UNC13C: variants seen among roughly 807,000 people sequenced by gnomAD.
The protein encoded by UNC13C is protein unc-13 homolog C.
Under a neutral mutation model 245.4 loss-of-function variants are expected in UNC13C, and 174 were observed. The ratio of observed to expected loss-of-function variants is 0.71; its 90% CI spans 0.63 to 0.80. The LOEUF (loss-of-function observed/expected upper bound fraction) is 0.80. UNC13C is among the 30% of genes least tolerant of loss of function. The pLI is 0.00. For missense variants in UNC13C, 2,829 were observed against 2,602.9 expected, an observed-to-expected ratio of 1.09 and a Z score of -1.89; for synonymous variants, 992 against 895.1, an observed-to-expected ratio of 1.11 and a Z score of -1.93.
At chr15:54,382,568 C>T (rs778782582) in intron 17 of UNC13C, among the ~76,000 whole-genome samples, 1 of 151,534 alleles carries the variant, frequency 6.6e-6, no homozygotes, top group East Asian at 1.9e-4. Flanking sequence ...CAGAGTGAGA[C>T]CCTATCCCAA....
Position 54,479,698 on chromosome 15 carries a change from G to A in UNC13C, c.4934-14910G>A, listed in dbSNP as rs138216421. Among the ~76,000 whole-genome samples the A allele has an allele frequency of 3.8e-3, 583 of 151,630 alleles. 5 individuals are homozygous for A. The highest frequency in any genetic ancestry group is 0.013 in the African/African-American group (552 of 41,462). On this transcript the variant is annotated intron_variant, in intron 19 of 32. Coordinates refer to ENST00000260323, the MANE Select transcript of UNC13C (RefSeq NM_001080534.3). ...TTACAATTTTTTGGGTTTTCAAAGT[G>A]ATAATGTTGGATTCCTTTTAGTTTT...
chr15:54,435,576 G>T (rs546175314), intron 19 of UNC13C, among the ~76,000 whole-genome samples: 8 of 151,326 alleles, frequency 5.3e-5, no homozygotes, highest in Non-Finnish European at 1.0e-4. Context: ...AGGTCCTCTC[G>T]GTGGGTGGGG....
intron 30 of UNC13C, among the ~76,000 whole-genome samples, chr15:54,611,914 A>T (rs1350663439): frequency 6.6e-6 from 1 of 152,126 alleles, no homozygotes; most frequent in East Asian, 1.9e-4. Context: ...CATTTACATG[A>T]CCTTGCAACA....
intron 10 of UNC13C, among the ~76,000 whole-genome samples, chr15:54,270,489 A>G (rs1184454890): frequency 6.6e-6 from 1 of 152,172 alleles, no homozygotes; most frequent in African/African-American, 2.4e-5. Flanking sequence ...TATGAATTTC[A>G]TAGAACTTGT....
the UNC13C span, among the ~76,000 whole-genome samples, chr15:53,905,852 G>C: frequency 6.6e-6 from 1 of 152,106 alleles, no homozygotes; most frequent in African/African-American, 2.4e-5. Context: ...CAACATATAT[G>C]TATCTCAAAA....
chr15:54,602,240 A>G (rs1460296059), intron 30 of UNC13C, among the ~76,000 whole-genome samples: 1 of 152,218 alleles, frequency 6.6e-6, no homozygotes, highest in African/African-American at 2.4e-5. Flanking sequence ...TTCGGAAACA[A>G]TTTAATTACC....
chr15:53,887,694 C>T, the UNC13C span, among the ~76,000 whole-genome samples: 17 of 152,182 alleles, frequency 1.1e-4, no homozygotes, highest in African/African-American at 3.6e-4. Flanking sequence ...GTATTTTCTC[C>T]AAATGCTATC....
In UNC13C at chr15:54,153,058, T is replaced by A. The variant is rs552257853; in HGVS notation, c.3071+9374T>A. Among the ~76,000 whole-genome samples, 12 of 152,164 alleles carry A rather than the reference T, an allele frequency of 7.9e-5. No individual in the cohort carries two copies. The South Asian group carries it at 2.5e-3, about 32-fold the overall frequency. ...TGCTAAAAATGTGTGCTGCTGCTGCTATAAGCTTGTAAATAATTACTCACT... is the reference window on the plus strand; with the variant it reads ...TGCTAAAAATGTGTGCTGCTGCTGCAATAAGCTTGTAAATAATTACTCACT... On this transcript the variant is annotated intron_variant, in intron 4 of 32. Transcript: ENST00000260323.
At chr15:54,056,107 G>A (rs1004825333) in intron 2 of UNC13C, among the ~76,000 whole-genome samples, 1 of 152,156 alleles carries the variant, frequency 6.6e-6, no homozygotes, top group Non-Finnish European at 1.5e-5. Context: ...AAAGCTGGAC[G>A]GAGAATGACT....
intron 17 of UNC13C, among the ~76,000 whole-genome samples, chr15:54,350,758 G>A (rs2038964707): frequency 6.6e-6 from 1 of 152,156 alleles, no homozygotes; most frequent in Non-Finnish European, 1.5e-5. Flanking sequence ...TAAAACTGCT[G>A]TAGTGGAGTC....
chr15:54,074,393 G>A (rs900477903), intron 2 of UNC13C, among the ~76,000 whole-genome samples: 13 of 152,210 alleles, frequency 8.5e-5, no homozygotes, highest in Non-Finnish European at 1.3e-4. Context: ...ATTTAAAGTA[G>A]TTTTTTCTAA....
intron 18 of UNC13C, 21 bp downstream of exon 18, chr15:54,393,202 A>G (rs775243597): frequency 1.3e-6 from 2 of 1,508,528 alleles, no homozygotes; most frequent in Middle Eastern, 1.8e-4. Flanking sequence ...TGTTTTGGAA[A>G]TGAATGGATT....
At chr15:54,602,223 A>T (rs928134335) in intron 30 of UNC13C, among the ~76,000 whole-genome samples, 11 of 152,224 alleles carry the variant, frequency 7.2e-5, no homozygotes, top group Admixed American at 2.0e-4. Context: ...GAAGGGGATA[A>T]CTTTATTTCG....
At chr15:54,281,958 G>A (rs1343942532) in intron 10 of UNC13C, among the ~76,000 whole-genome samples, 1 of 152,100 alleles carries the variant, frequency 6.6e-6, no homozygotes, top group African/African-American at 2.4e-5. Context: ...GTAGCCTAAT[G>A]TTTTTGAGTT....
In UNC13C at chr15:54,215,381, T is replaced by A. The variant is rs188841091; in HGVS notation, c.3072-19649T>A. Among the ~76,000 whole-genome samples, 8 of 152,022 alleles carry A rather than the reference T, an allele frequency of 5.3e-5. No homozygotes were observed. The East Asian group carries it at 1.5e-3, about 29-fold the overall frequency. Reference sequence around the variant, plus strand: ...ATACAATTTGAAATTCCCTCTCTCATCAGGATAGTGTATCATTCATGTCGT... The same window carrying A: ...ATACAATTTGAAATTCCCTCTCTCAACAGGATAGTGTATCATTCATGTCGT... On this transcript the variant is annotated intron_variant, in intron 4 of 32. Transcript: ENST00000260323.
chr15:54,497,028 T>C (rs968160644), intron 20 of UNC13C, among the ~76,000 whole-genome samples: 1 of 152,006 alleles, frequency 6.6e-6, no homozygotes, highest in African/African-American at 2.4e-5. Context: ...AAATATGAAG[T>C]CTGTATGCCT....
At chr15:54,294,144 A>G in intron 11 of UNC13C, 80 bp downstream of exon 11, 1 of 1,247,492 alleles carries the variant, frequency 8.0e-7, no homozygotes, top group Non-Finnish European at 1.1e-6. Context: ...ATTCCCATAT[A>G]AGTAAAAATA....
At chr15:54,388,028 C>G (rs2039873789) in intron 17 of UNC13C, among the ~76,000 whole-genome samples, 1 of 152,144 alleles carries the variant, frequency 6.6e-6, no homozygotes, top group African/African-American at 2.4e-5. Flanking sequence ...CCTTTGGCCT[C>G]TCCTAGACCT....
chr15:54,171,376 A>G (rs146549720), intron 4 of UNC13C, among the ~76,000 whole-genome samples: 1 of 152,190 alleles, frequency 6.6e-6, no homozygotes, highest in African/African-American at 2.4e-5. Flanking sequence ...AATAGCCAGA[A>G]TATACAAGGG....
Sources: gnomAD v4.1 joint callset for allele counts (sites outside exome capture counted in the v4.1 genomes callset) on GRCh38, gnomAD v4.1.1 for gene constraint, MANE v1.5 for transcripts, NCBI Gene and HGNC (gene_info 2026-07-23, HGNC 2026-07-21) for gene names.